CSNK1A1: variants seen among roughly 807,000 people sequenced by gnomAD.
CSNK1A1 encodes casein kinase I isoform alpha.
In CSNK1A1, 7 loss-of-function variants were observed where a neutral mutation model predicts 46.1. That is an observed-to-expected ratio of 0.15 (90% confidence interval 0.09 to 0.29). The LOEUF (loss-of-function observed/expected upper bound fraction) is 0.29. Ranked by LOEUF, CSNK1A1 falls within the 10% of genes least tolerant of loss-of-function variation. The probability of loss-of-function intolerance (pLI) is 1.00; values close to 1 mark genes in which losing one functional copy is unlikely to be tolerated. For missense variants in CSNK1A1, 96 were observed against 417.1 expected, an observed-to-expected ratio of 0.23 and a Z score of 6.71; for synonymous variants, 137 against 141.5, an observed-to-expected ratio of 0.97 and a Z score of 0.23.
intron 9 of CSNK1A1, chr5:149,502,320 A>G: frequency 1.0e-6 from 1 of 968,272 alleles, no homozygotes; most frequent in African/African-American, 1.8e-5. Flanking sequence ...AACTCTGTGA[A>G]GAGTAATATA....
intron 2 of CSNK1A1, among the ~76,000 whole-genome samples, chr5:149,530,362 G>T (rs1166167254): frequency 6.6e-6 from 1 of 152,164 alleles, no homozygotes; most frequent in East Asian, 1.9e-4. Flanking sequence ...TTTATCCCTA[G>T]TTCAAATAAG....
intron 2 of CSNK1A1, chr5:149,529,835 A>G: frequency 2.4e-6 from 1 of 424,534 alleles, no homozygotes. Context: ...AGGGGAAGGA[A>G]TGACAATGAC....
intron 2 of CSNK1A1, among the ~76,000 whole-genome samples, chr5:149,532,395 A>G (rs894753477): frequency 6.6e-6 from 1 of 152,094 alleles, no homozygotes; most frequent in Non-Finnish European, 1.5e-5. Context: ...AAAAAAAAAA[A>G]AAATCTGCGA....
At chr5:149,518,811 G>A (rs1761475570) in intron 4 of CSNK1A1, among the ~76,000 whole-genome samples, 2 of 151,344 alleles carry the variant, frequency 1.3e-5, no homozygotes, top group African/African-American at 4.8e-5. Context: ...GGGAGGGGGG[G>A]AAGGCAAAGT....
intron 3 of CSNK1A1, among the ~76,000 whole-genome samples, chr5:149,524,362 T>C (rs187551214): frequency 1.8e-4 from 27 of 152,310 alleles, no homozygotes; most frequent in Non-Finnish European, 3.2e-4. Flanking sequence ...CAAAAAATTA[T>C]ACATGTCTTG....
At position 149,525,204 on chromosome 5, in the gene CSNK1A1, C is replaced by A. The variant is rs1250696190; in HGVS notation, c.231-33G>T. The A allele has an allele frequency of 6.4e-7, 1 of 1,559,772 alleles. No homozygotes were observed. The highest frequency in any genetic ancestry group is 2.0e-5 in the Admixed American group (1 of 49,296). On this transcript the variant is annotated intron_variant, in intron 2 of 9. Transcript: ENST00000377843. This position sits in a 1 kb window ranked among gnomAD's most constrained non-coding sequence, Gnocchi z 4.2. ...AACAAAAGGAGAAGAGAGGATATTACAAAAAGCTATTACTTAATATCATCA... is the reference window on the plus strand; with the variant it reads ...AACAAAAGGAGAAGAGAGGATATTAAAAAAAGCTATTACTTAATATCATCA...
intron 9 of CSNK1A1, chr5:149,504,605 T>C: frequency 9.1e-6 from 9 of 985,398 alleles, no homozygotes; most frequent in African/African-American, 1.7e-5. Flanking sequence ...TTCTACTCCT[T>C]ACAGGCAGTA....
Position 149,550,729 on chromosome 5 carries a change from C to T in CSNK1A1, c.123+113G>A. ...CCAGGAAAACTAGCTCCCTGGACTC[C>T]CTGGCGAGTGCGTGCGATGAGGAGA... On this transcript the variant is annotated intron_variant, in intron 1 of 9. Coordinates refer to ENST00000377843, the MANE Select transcript of CSNK1A1 (RefSeq NM_001892.6). The surrounding 1 kb of genome is among the most constrained non-coding windows in gnomAD (Gnocchi z 4.3). The T allele has an allele frequency of 6.8e-7, 1 of 1,463,306 alleles. No homozygotes were observed. The highest frequency in any genetic ancestry group is 9.3e-7 in the Non-Finnish European group (1 of 1,075,362). 90.6% of individuals were successfully genotyped at this position (1,463,306 alleles called of 1,614,324 possible). A position where few individuals can be genotyped will look rare whatever the true frequency, so the allele number is the denominator to read the frequency against.
At chr5:149,538,068 G>A (rs1762117361) in intron 2 of CSNK1A1, among the ~76,000 whole-genome samples, 1 of 141,684 alleles carries the variant, frequency 7.1e-6, no homozygotes, top group Non-Finnish European at 1.5e-5. Context: ...TGTTGCCCGG[G>A]CTGGAGTGCA....
At chr5:149,523,250 G>C (rs1276168041) in intron 3 of CSNK1A1, among the ~76,000 whole-genome samples, 1 of 152,130 alleles carries the variant, frequency 6.6e-6, no homozygotes, top group Non-Finnish European at 1.5e-5. Flanking sequence ...ATGTTGGCCA[G>C]GCTGGTCTCG....
chr5:149,500,810 TA>T (rs34965894), intron 9 of CSNK1A1, among the ~76,000 whole-genome samples: 4,278 of 143,596 alleles, frequency 0.03, 77 homozygotes, highest in East Asian at 0.09. Flanking sequence ...AAAGAATAAT[TA>T]AAAAAAAAAA....
At chr5:149,526,766 A>G (rs1173670117) in intron 2 of CSNK1A1, among the ~76,000 whole-genome samples, 1 of 152,030 alleles carries the variant, frequency 6.6e-6, no homozygotes, top group Non-Finnish European at 1.5e-5. Context: ...TTTCAGGCAT[A>G]GCACCTGAGA....
chr5:149,544,849 C>T (rs930203645), intron 2 of CSNK1A1, among the ~76,000 whole-genome samples: 2 of 148,718 alleles, frequency 1.3e-5, no homozygotes, highest in Admixed American at 1.3e-4. Context: ...TCAAGTTATA[C>T]TTGGGGCCAG....
At chr5:149,540,240 G>A (rs1249674608) in intron 2 of CSNK1A1, among the ~76,000 whole-genome samples, 1 of 152,094 alleles carries the variant, frequency 6.6e-6, no homozygotes, top group Non-Finnish European at 1.5e-5. Context: ...TTCAAATCTA[G>A]ATGGCATCAC....
At chr5:149,548,178 T>A (rs1762538158) in intron 2 of CSNK1A1, among the ~76,000 whole-genome samples, 1 of 152,084 alleles carries the variant, frequency 6.6e-6, no homozygotes, top group African/African-American at 2.4e-5. Flanking sequence ...GCTGGAACTC[T>A]TTTTAAGGAC....
rs1760900246 is a variant in CSNK1A1 at position 149,502,527 on chromosome 5, G to GGA, written c.1006+2919_1006+2920insTC. 1.0e-4 allele frequency: 21 copies of GGA among 205,836 alleles called. 2 individuals are homozygous for GGA. The highest frequency in any genetic ancestry group is 1.6e-4 in the Non-Finnish European group (21 of 133,420). The allele number at this position is 205,836 out of a possible 1,614,324, so 12.8% of individuals were successfully genotyped here. ...CCTGGCGCTTTTTTTTTTTGGGGGGGGGGGGGTTGGGGACGATGTTGGAGG... is the reference window on the plus strand; with the variant it reads ...CCTGGCGCTTTTTTTTTTTGGGGGGGGAGGGGGGTTGGGGACGATGTTGGAGG... On this transcript the variant is annotated intron_variant, in intron 9 of 9. Coordinates refer to ENST00000377843, the MANE Select transcript of CSNK1A1 (RefSeq NM_001892.6).
intron 9 of CSNK1A1, chr5:149,502,669 C>T: frequency 1.0e-6 from 1 of 984,922 alleles, no homozygotes; most frequent in Non-Finnish European, 1.2e-6. Context: ...GCCACTGCGC[C>T]TGTCCTAAAG....
chr5:149,495,617 T>C lies in CSNK1A1; in HGVS notation c.*1236A>G, dbSNP rs1054267764. The C allele has an allele frequency of 6.6e-6, 1 of 152,072 alleles. No homozygotes were observed. The highest frequency in any genetic ancestry group is 1.5e-5 in the Non-Finnish European group (1 of 67,964). The allele number at this position is 152,072 out of a possible 1,614,324, so 9.4% of individuals were successfully genotyped here. A position where few individuals can be genotyped will look rare whatever the true frequency, so the allele number is the denominator to read the frequency against. Reference sequence around the variant, plus strand: ...ATTTCAAAAGTATTTTAAAGAAAAATGTTTTGTAGGGAAACCCTTTAATGC... The same window carrying C: ...ATTTCAAAAGTATTTTAAAGAAAAACGTTTTGTAGGGAAACCCTTTAATGC... On this transcript the variant is annotated 3_prime_UTR_variant, in exon 10 of 10. Transcript: ENST00000377843.
At chr5:149,532,891 A>G (rs2113149645) in intron 2 of CSNK1A1, among the ~76,000 whole-genome samples, 1 of 152,334 alleles carries the variant, frequency 6.6e-6, no homozygotes, top group South Asian at 2.1e-4. Flanking sequence ...CCAGGTTAAG[A>G]GCCCCTGTTC....
Sources: allele counts gnomAD v4.1 joint callset (sites outside exome capture counted in the v4.1 genomes callset), GRCh38; gene constraint gnomAD v4.1.1; non-coding constraint Gnocchi (gnomAD v3.1); transcripts MANE v1.5; gene names NCBI Gene and HGNC (gene_info 2026-07-23, HGNC 2026-07-21).